Variants in ARHGAP29 observed in about 807,000 individuals in gnomAD.
ARHGAP29 encodes Rho GTPase activating protein 29.
Under a neutral mutation model 122.6 loss-of-function variants are expected in ARHGAP29, and 43 were observed. The ratio of observed to expected loss-of-function variants is 0.35; its 90% confidence interval spans 0.27 to 0.45. ARHGAP29 has a LOEUF of 0.45. Among genes scored for constraint, ARHGAP29 ranks in the 20% least tolerant of loss-of-function variants. ARHGAP29 has a pLI of 1.00. For synonymous variants in ARHGAP29, 506 were observed against 497.1 expected (o/e 1.02, Z -0.24); for missense variants, 1,303 against 1,477.2 (o/e 0.88, Z 1.93).
intron 12 of ARHGAP29, chr1:94,194,358 T>C (rs1442576978): frequency 1.3e-5 from 2 of 152,208 alleles, no homozygotes; most frequent in Non-Finnish European, 2.9e-5. Context: ...TTATTTTGTA[T>C]CTTAATGACA....
chr1:94,184,520 A>C (rs72962367), intron 18 of ARHGAP29, among the ~76,000 whole-genome samples: 3,250 of 152,244 alleles, frequency 0.021, 71 homozygotes, highest in East Asian at 0.086. Context: ...GGAGGCGGGA[A>C]GATCACCTGA....
upstream of ARHGAP29, among the ~76,000 whole-genome samples, chr1:94,242,533 CTG>C (rs1370067773): frequency 6.7e-6 from 1 of 149,384 alleles, no homozygotes; most frequent in Non-Finnish European, 1.5e-5. Context: ...TGAAGGTATA[CTG>C]TAAGTTAAAA....
In ARHGAP29 at chr1:94,173,693, C is replaced by G; in HGVS notation, c.*176G>C. 2 of 692,282 alleles carry G rather than the reference C, an allele frequency of 2.9e-6. No individual in the cohort carries two copies. Among genetic ancestry groups the G allele is most frequent in the East Asian group, 2.7e-5 (1 of 36,692 alleles). 42.9% of individuals were successfully genotyped at this position (692,282 alleles called of 1,614,324 possible). On this transcript the variant is annotated 3_prime_UTR_variant, in exon 23 of 23. Transcript: ENST00000260526. The stretch of plus-strand genomic sequence containing the variant: ...CAGTGAGGCACAAATGTGACCCTAT[C>G]AAAACATTCTACCATTCAGTATTAC...
intron 1 of ARHGAP29, among the ~76,000 whole-genome samples, chr1:94,258,760 ATAT>A (rs1279573918): frequency 6.6e-6 from 1 of 152,238 alleles, no homozygotes; most frequent in Non-Finnish European, 1.5e-5. Context: ...TATAAGGAAG[ATAT>A]TATGATCTCC....
chr1:94,275,719 G>GT (rs200746708), upstream of ARHGAP29, among the ~76,000 whole-genome samples: 785 of 152,062 alleles, frequency 5.2e-3, 7 homozygotes, highest in Middle Eastern at 0.017. Flanking sequence ...AAGGAAAAGG[G>GT]TTTTTTTAAA....
chr1:94,185,185 A>T, intron 17 of ARHGAP29, 125 bp from the exon 18 acceptor site: 1 of 1,207,406 alleles, frequency 8.3e-7, no homozygotes, highest in East Asian at 2.7e-5. Flanking sequence ...TTTGAAACAG[A>T]TTTAACAACA....
chr1:94,207,862 T>G (rs1651309936), intron 5 of ARHGAP29, among the ~76,000 whole-genome samples: 2 of 152,164 alleles, frequency 1.3e-5, no homozygotes, highest in African/African-American at 4.8e-5. Flanking sequence ...TTCTTTGTGT[T>G]TTTTTAGAGA....
At chr1:94,263,897 G>C (rs956696917) in intron 1 of ARHGAP29, among the ~76,000 whole-genome samples, 5 of 152,138 alleles carry the variant, frequency 3.3e-5, no homozygotes, top group African/African-American at 1.2e-4. Context: ...TCTTCTAGAA[G>C]TTCCTTACTT....
chr1:94,284,038 C>A, the ARHGAP29 span, among the ~76,000 whole-genome samples: 1 of 149,868 alleles, frequency 6.7e-6, no homozygotes, highest in African/African-American at 2.5e-5. Flanking sequence ...CAATCTATTT[C>A]TTCTTAGGTT....
intron 22 of ARHGAP29, among the ~76,000 whole-genome samples, chr1:94,176,246 C>T (rs1010638547): frequency 3.9e-5 from 6 of 152,098 alleles, no homozygotes; most frequent in South Asian, 4.1e-4. Flanking sequence ...TCTTCATCTG[C>T]GAAATAAGAC....
intron 5 of ARHGAP29, among the ~76,000 whole-genome samples, chr1:94,208,216 T>C (rs1478901418): frequency 6.6e-6 from 1 of 152,188 alleles, no homozygotes; most frequent in Non-Finnish European, 1.5e-5. Context: ...TCCTCCCACC[T>C]TGGCCTCTTA....
intron 1 of ARHGAP29, among the ~76,000 whole-genome samples, chr1:94,255,682 C>T (rs528812223): frequency 2.6e-5 from 4 of 152,310 alleles, no homozygotes; most frequent in South Asian, 4.1e-4. Flanking sequence ...CATTGTAATA[C>T]TGTCATTAAA....
the ARHGAP29 span, among the ~76,000 whole-genome samples, chr1:94,285,164 C>T: frequency 3.3e-5 from 5 of 152,108 alleles, no homozygotes; most frequent in Admixed American, 1.3e-4. Context: ...GAGTGAGAGT[C>T]GCACATTCAC....
chr1:94,209,327 C>T lies in ARHGAP29; in HGVS notation c.364G>A (p.Glu122Lys), dbSNP rs1651428763. 1.2e-6 allele frequency: 2 copies of T among 1,607,554 alleles called. No homozygotes were observed. The highest frequency in any genetic ancestry group is 2.2e-5 in the South Asian group (2 of 90,052). ...VKAVNFTEVNEENKNDLFQEV... is the reference protein window; with the variant it reads ...VKAVNFTEVNKENKNDLFQEV... Reference sequence around the variant, plus strand: ...TGGAAGAGATCGTTTTTGTTTTCTTCATTAACTTCTGTGAAGTTCACAGCT... The same window carrying T: ...TGGAAGAGATCGTTTTTGTTTTCTTTATTAACTTCTGTGAAGTTCACAGCT... The change falls in exon 4 of 23, where the codon GAA (glutamate) becomes AAA (lysine). Residue 122 changes from glutamate to lysine, a missense_variant. Transcript: ENST00000260526.
intron 1 of ARHGAP29, among the ~76,000 whole-genome samples, chr1:94,232,505 T>C (rs752423718): frequency 2.0e-5 from 3 of 152,194 alleles, no homozygotes; most frequent in Non-Finnish European, 2.9e-5. Flanking sequence ...AGCAATATTT[T>C]TGATAATCTC....
intron 1 of ARHGAP29, among the ~76,000 whole-genome samples, chr1:94,274,371 G>A (rs949686369): frequency 4.6e-5 from 7 of 152,156 alleles, no homozygotes; most frequent in Non-Finnish European, 8.8e-5. Context: ...AATGTTTCTC[G>A]TTCTTAGGTG....
chr1:94,185,199 T>TAAAATATAAAATTATAGA (rs1553204018), intron 17 of ARHGAP29, 139 bp from the exon 18 acceptor site: 5 of 1,205,304 alleles, frequency 4.1e-6, no homozygotes, highest in Non-Finnish European at 5.6e-6. Flanking sequence ...AACAACAAAA[T>TAAAATATAAAATTATAGA]AAAATATAAA....
intron 1 of ARHGAP29, among the ~76,000 whole-genome samples, chr1:94,235,884 C>A (rs1358243346): frequency 6.6e-6 from 1 of 152,150 alleles, no homozygotes; most frequent in Non-Finnish European, 1.5e-5. Context: ...ATGTCCGCTG[C>A]CCCACGCATG....
chr1:94,264,244 C>T (rs948691529), intron 1 of ARHGAP29, among the ~76,000 whole-genome samples: 1 of 152,190 alleles, frequency 6.6e-6, no homozygotes, highest in Non-Finnish European at 1.5e-5. Flanking sequence ...ACAATTCTCA[C>T]TGAGCCTCAG....
Sources: gnomAD v4.1 joint callset for allele counts (sites outside exome capture counted in the v4.1 genomes callset) on GRCh38, gnomAD v4.1.1 for gene constraint, MANE v1.5 for transcripts, NCBI Gene and HGNC (gene_info 2026-07-23, HGNC 2026-07-21) for gene names.